The following RAP1GAP2 variants were observed in gnomAD, a reference collection of about 807,000 sequenced individuals.
RAP1GAP2 encodes the protein RAP1 GTPase activating protein 2.
RAP1GAP2 carries 27 observed loss-of-function variants against 95.0 expected under a neutral mutation model. The ratio of observed to expected loss-of-function variants is 0.28; its 90% CI spans 0.21 to 0.39. RAP1GAP2 has a LOEUF of 0.39. RAP1GAP2 is among the 10% of genes least tolerant of loss of function. The pLI, the probability that RAP1GAP2 is intolerant of heterozygous loss-of-function variation, is 1.00. For missense variants in RAP1GAP2, 771 were observed against 970.0 expected (o/e 0.79, Z 2.72); for synonymous variants, 373 against 380.9 (o/e 0.98, Z 0.24).
intron 2 of RAP1GAP2, among the ~76,000 whole-genome samples, chr17:2,771,147 C>G (rs1353912606): frequency 6.6e-6 from 1 of 152,208 alleles, no homozygotes; most frequent in African/African-American, 2.4e-5. Context: ...TGGTTCCTTC[C>G]TCTCTGGAGG....
intron 4 of RAP1GAP2, among the ~76,000 whole-genome samples, chr17:2,959,625 T>C (rs1447202258): frequency 6.6e-6 from 1 of 152,186 alleles, no homozygotes; most frequent in East Asian, 1.9e-4. Context: ...GTCACTTAGC[T>C]AGTTGTGAAG....
intron 17 of RAP1GAP2, among the ~76,000 whole-genome samples, chr17:3,010,897 G>A (rs886615356): frequency 1.3e-5 from 2 of 151,986 alleles, no homozygotes; most frequent in Admixed American, 6.6e-5. Context: ...GGGCCCTGAC[G>A]GTTGTGACCA....
At chr17:2,937,427 C>G (rs2043339430) in intron 3 of RAP1GAP2, among the ~76,000 whole-genome samples, 2 of 152,134 alleles carry the variant, frequency 1.3e-5, no homozygotes, top group African/African-American at 4.8e-5. Context: ...TGGGGCACGC[C>G]ACGTTCCTGA....
At chr17:3,022,794 A>C (rs890264828) in intron 19 of RAP1GAP2, among the ~76,000 whole-genome samples, 2 of 152,160 alleles carry the variant, frequency 1.3e-5, no homozygotes, top group African/African-American at 4.8e-5. Flanking sequence ...GTCTCATCTA[A>C]AAAGTTTTTG....
chr17:2,829,129 C>T (rs1266464308), intron 2 of RAP1GAP2, among the ~76,000 whole-genome samples: 2 of 151,740 alleles, frequency 1.3e-5, no homozygotes, highest in African/African-American at 4.8e-5. Context: ...ATTACAGGCA[C>T]CCGCCACCAC....
intron 2 of RAP1GAP2, among the ~76,000 whole-genome samples, chr17:2,818,293 C>CTTTATTTATTTA (rs149867844): frequency 6.5e-4 from 88 of 136,336 alleles, no homozygotes; most frequent in East Asian, 8.6e-4. Context: ...TCTCAGCCCA[C>CTTTATTTATTTA]TTTATTTATT....
At chr17:2,897,121 G>C (rs9797153) in intron 2 of RAP1GAP2, among the ~76,000 whole-genome samples, 41,108 of 152,066 alleles carry the variant, frequency 0.27, 6,670 homozygotes, top group Admixed American at 0.36. Flanking sequence ...TAGATCGCCT[G>C]AGGTCAGGAG....
In RAP1GAP2 at chr17:2,769,510, G is replaced by A. The variant is rs1038075017; in HGVS notation, c.51-819G>A. 3.9e-4 allele frequency among the ~76,000 whole-genome samples: 59 copies of A among 151,422 alleles called. 1 individual carries two copies. The highest frequency in any genetic ancestry group is 5.3e-4 in the African/African-American group (22 of 41,228). On this transcript the variant is annotated intron_variant, in intron 1 of 25. Coordinates refer to the RAP1GAP2 transcript ENST00000637138. ...GCGGAGCTTGCAGTGAGCCGAGATCGCGCCACTGCACTCCAGCCTGGGTGA... is the reference window on the plus strand; with the variant it reads ...GCGGAGCTTGCAGTGAGCCGAGATCACGCCACTGCACTCCAGCCTGGGTGA...
chr17:3,017,931 G>A lies in RAP1GAP2; in HGVS notation c.1495-130G>A, dbSNP rs1164055053. 8.9e-6 allele frequency: 7 copies of A among 788,424 alleles called. No homozygotes were observed. The African/African-American group carries it at 1.3e-4, about 14-fold the overall frequency. 48.8% of individuals were successfully genotyped at this position (788,424 alleles called of 1,614,324 possible). A position where few individuals can be genotyped will look rare whatever the true frequency, so the allele number is the denominator to read the frequency against. Reference sequence around the variant, plus strand: ...CCTCTGTGACCGTGTGTGTGTGTGTGTGTGTGTGTGTGTGTGTATGTGTGC... The same window carrying A: ...CCTCTGTGACCGTGTGTGTGTGTGTATGTGTGTGTGTGTGTGTATGTGTGC... On this transcript the variant is annotated intron_variant, in intron 17 of 24. Coordinates refer to ENST00000254695, the MANE Select transcript of RAP1GAP2 (RefSeq NM_015085.5).
upstream of RAP1GAP2, among the ~76,000 whole-genome samples, chr17:2,772,475 T>C (rs2151436577): frequency 6.6e-6 from 1 of 152,140 alleles, no homozygotes; most frequent in Non-Finnish European, 1.5e-5. Context: ...TTATTCTTAT[T>C]TTTATAGAGA....
In RAP1GAP2 at chr17:3,026,963, C is replaced by A. The variant is rs2047139498; in HGVS notation, c.2000C>A (p.Thr667Asn). 5.2e-6 allele frequency: 8 copies of A among 1,553,224 alleles called. No individual in the cohort carries two copies. The highest frequency in any genetic ancestry group is 6.1e-6 in the Non-Finnish European group (7 of 1,147,992). Reference protein sequence around the residue: ...GDSGGSQPSTTSPFKQEVFVY... With the variant: ...GDSGGSQPSTNSPFKQEVFVY... ...CCTCAGGGCAGCCAGCCGTCCACGA[C>A]CTCACCCTTCAAGCAGGAGGTGTTT... Residue 667 changes from threonine (T) to asparagine (N), a missense_variant, in exon 22 of 25, where the codon ACC (threonine) becomes AAC (asparagine). Transcript: ENST00000254695.
At chr17:2,799,173 G>A (rs1042988667) in intron 1 of RAP1GAP2, among the ~76,000 whole-genome samples, 6 of 152,208 alleles carry the variant, frequency 3.9e-5, no homozygotes, top group African/African-American at 1.4e-4. Flanking sequence ...TCTGAGTCCT[G>A]CTCGGATCTG....
intron 3 of RAP1GAP2, among the ~76,000 whole-genome samples, chr17:2,910,449 T>C (rs1326884984): frequency 6.6e-6 from 1 of 152,158 alleles, no homozygotes; most frequent in Non-Finnish European, 1.5e-5. Flanking sequence ...GGCTGGCCTC[T>C]CTCCGAGGGT....
Position 3,005,832 on chromosome 17 carries a change from G to A in RAP1GAP2, c.1273-123G>A. 1.1e-6 allele frequency: 1 copy of A among 918,446 alleles called. No individual in the cohort carries two copies. Among genetic ancestry groups the A allele is most frequent in the Non-Finnish European group, 1.8e-6 (1 of 560,730 alleles). The allele number at this position is 918,446 out of a possible 1,614,324, so 56.9% of individuals were successfully genotyped here. On this transcript the variant is annotated intron_variant, in intron 15 of 24. Coordinates refer to ENST00000254695, the MANE Select transcript of RAP1GAP2 (RefSeq NM_015085.5). This position sits in a 1 kb window ranked among gnomAD's most constrained non-coding sequence, Gnocchi z 5.2. ...TGGCCTGGGCTAGAAATGATCCGCT[G>A]TCGGAAGGGACTTTTCAGGGGTTCT...
chr17:2,883,672 G>T (rs1471054281), intron 2 of RAP1GAP2, among the ~76,000 whole-genome samples: 2 of 152,156 alleles, frequency 1.3e-5, no homozygotes, highest in African/African-American at 2.4e-5. Context: ...GGCCTAGAGT[G>T]GGGTAAAGCT....
At chr17:3,015,953 A>G (rs965321577) in intron 17 of RAP1GAP2, among the ~76,000 whole-genome samples, 1 of 152,102 alleles carries the variant, frequency 6.6e-6, no homozygotes, top group African/African-American at 2.4e-5. Context: ...GGGGAAGGGG[A>G]GCGGGGCCCA....
In RAP1GAP2 at chr17:2,874,936, C is replaced by T. The variant is rs116865653; in HGVS notation, c.81-30348C>T. 4.7e-3 allele frequency among the ~76,000 whole-genome samples: 711 copies of T among 152,260 alleles called. 3 individuals are homozygous for T. The highest frequency in any genetic ancestry group is 8.6e-3 in the Non-Finnish European group (588 of 68,024). The stretch of plus-strand genomic sequence containing the variant: ...TCTCCATTTTGCTCATGACTGTCGA[C>T]CTAGAGAAAGAAACAGAGAGAAAAT... On this transcript the variant is annotated intron_variant, in intron 2 of 24. Transcript: ENST00000254695.
chr17:2,762,574 T>C (rs574443194), intron 1 of RAP1GAP2, among the ~76,000 whole-genome samples: 94 of 151,746 alleles, frequency 6.2e-4, no homozygotes, highest in African/African-American at 2.2e-3. Context: ...ATTTTTGTTT[T>C]TTTTTTGGTA....
At chr17:2,939,029 C>T (rs1225765501) in intron 3 of RAP1GAP2, among the ~76,000 whole-genome samples, 1 of 152,168 alleles carries the variant, frequency 6.6e-6, no homozygotes, top group Non-Finnish European at 1.5e-5. Flanking sequence ...GGCTGTTCCT[C>T]AAAGAAAACG....
Sources: gnomAD v4.1 joint callset for allele counts (sites outside exome capture counted in the v4.1 genomes callset) on GRCh38, gnomAD v4.1.1 for gene constraint, Gnocchi (gnomAD v3.1) non-coding constraint, MANE v1.5 for transcripts, NCBI Gene and HGNC (gene_info 2026-07-23, HGNC 2026-07-21) for gene names.